POU6F2: variants seen among roughly 807,000 people sequenced by gnomAD.
The protein encoded by POU6F2 is POU class 6 homeobox 2.
A neutral mutation model predicts 71.3 loss-of-function variants in POU6F2; 31 were observed. That is an observed-to-expected ratio of 0.43 (90% CI 0.33 to 0.59). The LOEUF is 0.59. POU6F2 is among the 20% of genes least tolerant of loss of function. POU6F2 has a pLI of 0.04. For synonymous variants in POU6F2, 347 were observed against 355.7 expected (o/e 0.98, Z 0.27); for missense variants, 783 against 856.8 (o/e 0.91, Z 1.07).
chr7:39,285,157 T>C (rs1057125903), intron 4 of POU6F2, among the ~76,000 whole-genome samples: 2 of 152,232 alleles, frequency 1.3e-5, no homozygotes, highest in African/African-American at 2.4e-5. Context: ...AACAAATTTT[T>C]TTCTAATTTG....
intron 4 of POU6F2, among the ~76,000 whole-genome samples, chr7:39,262,071 A>G (rs181249476): frequency 2.2e-4 from 33 of 152,320 alleles, no homozygotes; most frequent in African/African-American, 7.7e-4. Flanking sequence ...AAGTTGCTCA[A>G]TGGTGCCAGT....
At chr7:38,979,081 C>T (rs1788249967) in intron 1 of POU6F2, among the ~76,000 whole-genome samples, 1 of 152,078 alleles carries the variant, frequency 6.6e-6, no homozygotes, top group Non-Finnish European at 1.5e-5. Context: ...AGGAAATATA[C>T]ATGGTTTCTT....
At chr7:39,160,500 C>T (rs1255095321) in intron 2 of POU6F2, among the ~76,000 whole-genome samples, 1 of 152,128 alleles carries the variant, frequency 6.6e-6, no homozygotes, top group Non-Finnish European at 1.5e-5. Context: ...ACAAACACCT[C>T]AGCTATCAAC....
chr7:39,227,778 C>T (rs1794498282), intron 4 of POU6F2, among the ~76,000 whole-genome samples: 2 of 151,986 alleles, frequency 1.3e-5, no homozygotes, highest in South Asian at 2.1e-4. Context: ...AGGATGGTCT[C>T]GATCTTCTGA....
Position 39,464,187 on chromosome 7 carries a change from C to T in POU6F2, c.1664C>T (p.Thr555Ile). 6.2e-7 allele frequency: 1 copy of T among 1,613,342 alleles called. No homozygotes were observed. Among genetic ancestry groups the T allele is most frequent in the Non-Finnish European group, 8.5e-7 (1 of 1,179,440 alleles). ...TTCTCAATTTTCCCCCCCAGACACA[C>T]CATCCTGAGAAGCCACTTTTTCCTA... is the stretch of plus-strand genomic sequence containing the variant. The part of the protein sequence containing the change: ...AYSQSAICRH[T>I]ILRSHFFLPQ... The change falls in exon 10 of 10, where the codon ACC (threonine) becomes ATC (isoleucine). Residue 555 changes from threonine (T) to isoleucine (I), a missense_variant. Transcript: ENST00000518318. This position sits in a 1 kb window ranked among gnomAD's most constrained non-coding sequence, Gnocchi z 4.1.
intron 4 of POU6F2, among the ~76,000 whole-genome samples, chr7:39,225,363 A>G (rs1288495232): frequency 2.0e-5 from 3 of 152,180 alleles, no homozygotes; most frequent in South Asian, 2.1e-4. Flanking sequence ...TAACTGCCCA[A>G]CTTTCCCCTA....
At chr7:39,199,223 A>G (rs1383922425) in intron 2 of POU6F2, among the ~76,000 whole-genome samples, 2 of 152,200 alleles carry the variant, frequency 1.3e-5, no homozygotes, top group African/African-American at 4.8e-5. Context: ...TGGGATGAGC[A>G]ATTCGTATTT....
intron 1 of POU6F2, among the ~76,000 whole-genome samples, chr7:38,998,170 T>C (rs1406947809): frequency 6.6e-6 from 1 of 152,266 alleles, no homozygotes; most frequent in Non-Finnish European, 1.5e-5. Context: ...CTCAAGCCCC[T>C]TTTCAACAGT....
chr7:38,985,869 C>T (rs1584480770), intron 1 of POU6F2, among the ~76,000 whole-genome samples: 1 of 151,984 alleles, frequency 6.6e-6, no homozygotes, highest in Non-Finnish European at 1.5e-5. Context: ...GGCTCAAATC[C>T]CAAACAGTCC....
intron 7 of POU6F2, among the ~76,000 whole-genome samples, chr7:39,439,347 A>AC (rs1186398086): frequency 6.6e-6 from 1 of 151,954 alleles, no homozygotes. Context: ...TGGGGCATTT[A>AC]CCCCACTTAC....
chr7:39,350,859 T>C (rs879394041), intron 5 of POU6F2, among the ~76,000 whole-genome samples: 3 of 152,236 alleles, frequency 2.0e-5, no homozygotes, highest in Non-Finnish European at 4.4e-5. Context: ...TTCAAACAGC[T>C]GAGACCACGC....
chr7:39,077,647 C>T (rs950939483), intron 1 of POU6F2, among the ~76,000 whole-genome samples: 3 of 152,064 alleles, frequency 2.0e-5, no homozygotes, highest in Admixed American at 2.0e-4. Flanking sequence ...TGAGGTTCAA[C>T]AAAAAGACAA....
At chr7:39,260,306 A>T (rs1784108505) in intron 4 of POU6F2, among the ~76,000 whole-genome samples, 2 of 149,798 alleles carry the variant, frequency 1.3e-5, no homozygotes, top group Non-Finnish European at 3.0e-5. Context: ...CCATGTTCAC[A>T]CCACACACAC....
intron 6 of POU6F2, among the ~76,000 whole-genome samples, chr7:39,419,511 G>T (rs758675604): frequency 2.1e-4 from 32 of 152,044 alleles, no homozygotes; most frequent in South Asian, 4.2e-4. Flanking sequence ...AAGTGCTGGG[G>T]TTACAGGAGT....
chr7:39,243,944 T>A (rs1279998598), intron 4 of POU6F2, among the ~76,000 whole-genome samples: 1 of 152,048 alleles, frequency 6.6e-6, no homozygotes, highest in Non-Finnish European at 1.5e-5. Context: ...GTCTTCAAGT[T>A]CTTAAAGCTT....
At chr7:39,083,145 T>C (rs186998378) in intron 1 of POU6F2, among the ~76,000 whole-genome samples, 19 of 152,324 alleles carry the variant, frequency 1.2e-4, no homozygotes, top group Admixed American at 4.6e-4. Flanking sequence ...TGATTCGGGA[T>C]TCAGTTTGAC....
intron 5 of POU6F2, among the ~76,000 whole-genome samples, chr7:39,374,800 G>A (rs934028996): frequency 1.3e-5 from 2 of 152,094 alleles, no homozygotes; most frequent in Admixed American, 6.5e-5. Context: ...CCCAAACAGC[G>A]GAATATTGAG....
rs149493045 is a variant in POU6F2 at position 39,342,032 on chromosome 7, T to G, written c.972+2017T>G. Among the ~76,000 whole-genome samples, 770 of 152,322 alleles carry G rather than the reference T, an allele frequency of 5.1e-3. 6 individuals are homozygous for G. Among genetic ancestry groups the G allele is most frequent in the African/African-American group, 0.018 (747 of 41,556 alleles). ...TGTAACACTGAGAGAATATTCTAAT[T>G]TTTCATTTTTGAAGTTTTAACTTAT... On this transcript the variant is annotated intron_variant, in intron 5 of 9. Coordinates refer to ENST00000518318, the MANE Select transcript of POU6F2 (RefSeq NM_001370959.1).
intron 2 of POU6F2, among the ~76,000 whole-genome samples, chr7:39,101,314 T>A (rs1462540880): frequency 6.6e-6 from 1 of 152,140 alleles, no homozygotes; most frequent in African/African-American, 2.4e-5. Context: ...CCTCAGGTGA[T>A]CCGTCCGCCT....
Sources: allele counts gnomAD v4.1 joint callset (sites outside exome capture counted in the v4.1 genomes callset), GRCh38; gene constraint gnomAD v4.1.1; non-coding constraint Gnocchi (gnomAD v3.1); transcripts MANE v1.5; gene names NCBI Gene and HGNC (gene_info 2026-07-23, HGNC 2026-07-21).